KIAA1217: variants seen among roughly 807,000 people sequenced by gnomAD.
The protein encoded by KIAA1217 is KIAA1217.
In KIAA1217, 88 loss-of-function variants were observed where a neutral mutation model predicts 163.9. The ratio of observed to expected loss-of-function variants is 0.54; its 90% CI spans 0.45 to 0.64. The LOEUF is 0.64. Ranked by LOEUF, KIAA1217 falls within the 30% of genes least tolerant of loss-of-function variation. KIAA1217 has a pLI of 0.00. For synonymous variants in KIAA1217, 903 were observed against 923.1 expected (o/e 0.98, Z 0.39); for missense variants, 2,372 against 2,475.0 (o/e 0.96, Z 0.88).
At chr10:23,877,047 TTAGTG>T (rs1840730454) in intron 1 of KIAA1217, among the ~76,000 whole-genome samples, 1 of 151,990 alleles carries the variant, frequency 6.6e-6, no homozygotes, top group South Asian at 2.1e-4. Context: ...AACCGTGGTA[TTAGTG>T]TGACAGGATC....
intron 2 of KIAA1217, among the ~76,000 whole-genome samples, chr10:24,203,548 C>A (rs554945520): frequency 6.7e-6 from 1 of 148,838 alleles, no homozygotes; most frequent in Non-Finnish European, 1.5e-5. Context: ...CCTTCTTGCT[C>A]CCCCTACCCC....
chr10:23,815,617 C>T (rs1256627888), intron 1 of KIAA1217, among the ~76,000 whole-genome samples: 1 of 152,130 alleles, frequency 6.6e-6, no homozygotes, highest in Non-Finnish European at 1.5e-5. Context: ...GCACTCCAGC[C>T]TGGGCGACAG....
Position 24,189,756 on chromosome 10 carries a change from T to G in KIAA1217, c.-170-29870T>G, listed in dbSNP as rs188442943. On this transcript the variant is annotated intron_variant, in intron 2 of 18. Coordinates refer to the KIAA1217 transcript ENST00000376462. ...GAGGCTGAATGCAGTGGCTCACTCCTGTAATCCCAAGGACTTTGGGAGGCC... is the reference window on the plus strand; with the variant it reads ...GAGGCTGAATGCAGTGGCTCACTCCGGTAATCCCAAGGACTTTGGGAGGCC... 1.8e-3 allele frequency among the ~76,000 whole-genome samples: 275 copies of G among 152,318 alleles called. 2 individuals are homozygous for G. Among genetic ancestry groups the G allele is most frequent in the Admixed American group, 0.014 (218 of 15,294 alleles).
chr10:23,719,617 G>T (rs1238494510), intron 1 of KIAA1217, among the ~76,000 whole-genome samples: 3 of 146,164 alleles, frequency 2.1e-5, no homozygotes, highest in Admixed American at 1.3e-4. Flanking sequence ...TAAAAAGGAA[G>T]AAAAAGCTGG....
chr10:24,158,791 G>A (rs543092192), intron 2 of KIAA1217: 4 of 459,840 alleles, frequency 8.7e-6, no homozygotes, highest in Admixed American at 2.6e-5. Context: ...CTGGCCGGTA[G>A]TAGAAGACCA....
chr10:24,426,355 G>A (rs1012005579), intron 3 of KIAA1217, among the ~76,000 whole-genome samples: 2 of 152,120 alleles, frequency 1.3e-5, no homozygotes, highest in African/African-American at 4.8e-5. Context: ...AGGTGTGGTG[G>A]CTCCACCTGT....
intron 2 of KIAA1217, among the ~76,000 whole-genome samples, chr10:24,099,296 T>C (rs182256422): frequency 0.018 from 2,768 of 151,226 alleles, 35 homozygotes; most frequent in South Asian, 0.036. Context: ...TAACTCGTCA[T>C]TTACATTAGT....
At chr10:24,249,629 T>C (rs2074248631) in intron 2 of KIAA1217, among the ~76,000 whole-genome samples, 1 of 152,214 alleles carries the variant, frequency 6.6e-6, no homozygotes, top group South Asian at 2.1e-4. Flanking sequence ...AATAAAAATA[T>C]TCCCCATATA....
At chr10:23,747,571 G>A (rs1839478898) in intron 1 of KIAA1217, among the ~76,000 whole-genome samples, 1 of 152,156 alleles carries the variant, frequency 6.6e-6, no homozygotes, top group Admixed American at 6.5e-5. Flanking sequence ...AGATAGTTGA[G>A]ACAATTAAGG....
intron 2 of KIAA1217, among the ~76,000 whole-genome samples, chr10:24,076,182 T>G (rs1488330707): frequency 1.3e-5 from 2 of 152,160 alleles, no homozygotes; most frequent in Non-Finnish European, 2.9e-5. Context: ...CATGGCCAAC[T>G]CATGAGTCAC....
At chr10:23,793,840 T>C (rs1026165977) in intron 1 of KIAA1217, among the ~76,000 whole-genome samples, 7 of 152,176 alleles carry the variant, frequency 4.6e-5, no homozygotes, top group Non-Finnish European at 8.8e-5. Context: ...GTTGGGCTTC[T>C]GTCAGTAAGA....
At chr10:24,048,338 A>G (rs1358570926) in intron 2 of KIAA1217, among the ~76,000 whole-genome samples, 1 of 152,250 alleles carries the variant, frequency 6.6e-6, no homozygotes, top group Non-Finnish European at 1.5e-5. Context: ...TTTAATGGCA[A>G]CTTTTCTCCA....
At chr10:24,335,978 C>T (rs888924657) in intron 2 of KIAA1217, among the ~76,000 whole-genome samples, 6 of 152,214 alleles carry the variant, frequency 3.9e-5, no homozygotes, top group African/African-American at 1.2e-4. Flanking sequence ...CAGTGGCTCA[C>T]GCCTGTAATC....
chr10:24,411,838 A>C (rs1298647503), intron 3 of KIAA1217, among the ~76,000 whole-genome samples: 1 of 152,068 alleles, frequency 6.6e-6, no homozygotes, highest in Non-Finnish European at 1.5e-5. Flanking sequence ...CTTGCTGTAA[A>C]CATTGAAAAC....
chr10:24,419,234 A>G (rs1360302969), intron 3 of KIAA1217, among the ~76,000 whole-genome samples: 2 of 151,734 alleles, frequency 1.3e-5, no homozygotes, highest in African/African-American at 4.8e-5. Context: ...TTTGCTTTCT[A>G]TAACCACTCA....
At chr10:24,386,985 T>C (rs1438093033) in intron 3 of KIAA1217, among the ~76,000 whole-genome samples, 2 of 152,202 alleles carry the variant, frequency 1.3e-5, no homozygotes, top group African/African-American at 4.8e-5. Flanking sequence ...TATTGAAAAG[T>C]AATACTGTAA....
intron 2 of KIAA1217, among the ~76,000 whole-genome samples, chr10:24,378,646 T>C (rs1004623582): frequency 2.0e-5 from 3 of 151,678 alleles, no homozygotes; most frequent in East Asian, 1.9e-4. Context: ...TTTTTTTTTT[T>C]CCAGCATATC....
At chr10:24,306,850 T>C (rs915050540) in intron 2 of KIAA1217, among the ~76,000 whole-genome samples, 1 of 152,252 alleles carries the variant, frequency 6.6e-6, no homozygotes, top group Non-Finnish European at 1.5e-5. Context: ...TCTTAGTATC[T>C]GCTCCTCCTC....
At chr10:24,171,621 A>G (rs2065630559) in intron 2 of KIAA1217, among the ~76,000 whole-genome samples, 1 of 152,138 alleles carries the variant, frequency 6.6e-6, no homozygotes, top group Admixed American at 6.5e-5. Flanking sequence ...CCTGACTGAC[A>G]TGGAGAAACC....
Sources: allele counts gnomAD v4.1 joint callset (sites outside exome capture counted in the v4.1 genomes callset), GRCh38; gene constraint gnomAD v4.1.1; transcripts MANE v1.5; gene names NCBI Gene and HGNC (gene_info 2026-07-23, HGNC 2026-07-21).